MAP4K4: variants seen among roughly 807,000 people sequenced by gnomAD.
MAP4K4 encodes HPK/GCK-like kinase HGK.
MAP4K4 carries 38 observed loss-of-function variants against 189.6 expected under a neutral mutation model. That is an observed-to-expected ratio of 0.20 (90% CI 0.15 to 0.26). MAP4K4 has a LOEUF of 0.26. Among genes scored for constraint, MAP4K4 ranks in the 10% least tolerant of loss-of-function variants. The pLI is 1.00. For missense variants in MAP4K4, 1,054 were observed against 1,726.9 expected (o/e 0.61, Z 6.91); for synonymous variants, 610 against 624.3 (o/e 0.98, Z 0.34).
chr2:101,701,900 C>T (rs1232452150), intron 2 of MAP4K4, among the ~76,000 whole-genome samples: 1 of 152,132 alleles, frequency 6.6e-6, no homozygotes. Context: ...GAGGTTTGCT[C>T]TGTTGCCCAG....
chr2:101,726,960 G>GT (rs2149516023), intron 2 of MAP4K4, among the ~76,000 whole-genome samples: 1 of 152,248 alleles, frequency 6.6e-6, no homozygotes, highest in East Asian at 1.9e-4. Context: ...CTGGTGCAGG[G>GT]TATCACCTGG....
chr2:101,810,463 T>G (rs1056998204), intron 3 of MAP4K4, among the ~76,000 whole-genome samples: 1 of 152,074 alleles, frequency 6.6e-6, no homozygotes, highest in Non-Finnish European at 1.5e-5. Flanking sequence ...TTGGTGAGAG[T>G]CTTCCTAGAT....
At chr2:101,712,726 T>G (rs1379254273) in intron 2 of MAP4K4, among the ~76,000 whole-genome samples, 2 of 151,588 alleles carry the variant, frequency 1.3e-5, no homozygotes, top group Non-Finnish European at 2.9e-5. Context: ...AAACTCCTGA[T>G]CTCAGGTGAT....
intron 3 of MAP4K4, among the ~76,000 whole-genome samples, chr2:101,798,566 C>T (rs1057486993): frequency 3.9e-5 from 6 of 152,130 alleles, no homozygotes; most frequent in African/African-American, 1.4e-4. Context: ...TCTAAAGTCA[C>T]AATAGAGTCC....
At chr2:101,788,355 ACCACCTG>A (rs1558928519) in intron 2 of MAP4K4, among the ~76,000 whole-genome samples, 3 of 152,094 alleles carry the variant, frequency 2.0e-5, no homozygotes, top group Non-Finnish European at 4.4e-5. Context: ...CACTTTATCT[ACCACCTG>A]CCGGACTCTA....
intron 24 of MAP4K4, among the ~76,000 whole-genome samples, chr2:101,872,307 T>G (rs994052774): frequency 6.6e-6 from 1 of 152,074 alleles, no homozygotes; most frequent in African/African-American, 2.4e-5. Context: ...TAGAAAAAAT[T>G]AGGATGTTAA....
chr2:101,817,728 G>C (rs1458184253), intron 3 of MAP4K4, among the ~76,000 whole-genome samples: 1 of 152,228 alleles, frequency 6.6e-6, no homozygotes, highest in Non-Finnish European at 1.5e-5. Context: ...TGCATGCTGG[G>C]TTTGGAATCC....
rs535633215 is a variant in MAP4K4, at chr2:101,838,032, C to T, written c.774-1787C>T. On this transcript the variant is annotated intron_variant, in intron 9 of 32. Coordinates refer to ENST00000324219, the Ensembl canonical transcript of MAP4K4. ...TTCTTCCTTTGTGATTGCTGTCCAC[C>T]GTCTACCCGATGTAAATTCTACTGT... Among the ~76,000 whole-genome samples, 8 of 152,276 alleles carry T rather than the reference C, an allele frequency of 5.3e-5. No individual in the cohort carries two copies. In the East Asian group the frequency reaches 5.8e-4, roughly 11 times the overall value.
chr2:101,765,144 A>C (rs2078064092), intron 2 of MAP4K4, among the ~76,000 whole-genome samples: 1 of 152,162 alleles, frequency 6.6e-6, no homozygotes, highest in Admixed American at 6.5e-5. Context: ...TTTCTTTAAA[A>C]AGTCAATCCC....
chr2:101,868,922 CAT>C (rs963258909), intron 21 of MAP4K4, among the ~76,000 whole-genome samples: 10 of 151,944 alleles, frequency 6.6e-5, no homozygotes, highest in African/African-American at 2.4e-4. Flanking sequence ...TGTAAAGACA[CAT>C]GTCTATATGA....
Position 101,856,005 on chromosome 2 carries a change from G to A in MAP4K4, c.1262G>A (p.Arg421Lys), listed in dbSNP as rs1281111984. The A allele has an allele frequency of 4.5e-6, 7 of 1,551,166 alleles. No homozygotes were observed. The South Asian group carries it at 8.3e-5, about 18-fold the overall frequency. ...CAAAGGAGAGAGCGGGAAGCTAGAA[G>A]GCAGCAGGAACGTGAACAGCGAAGG... The change falls in exon 13 of 33, where the codon AGG becomes AAG. Residue 421 changes from arginine (R) to lysine (K), a missense_variant. This residue lies in a region of MAP4K4 where 200 missense variants were observed against 509.0 expected (regional missense o/e 0.39). Transcript: ENST00000324219.
intron 27 of MAP4K4, 53 bp from the exon 28 acceptor site, chr2:101,882,498 G>A (rs1317574303): frequency 7.2e-7 from 1 of 1,380,078 alleles, no homozygotes; most frequent in Non-Finnish European, 9.7e-7. Flanking sequence ...TGTTATTAAT[G>A]ATGAGACCTA....
exon 1 of MAP4K4, chr2:101,698,016 G>A (rs2035220166): frequency 5.2e-6 from 6 of 1,143,360 alleles, no homozygotes; most frequent in Non-Finnish European, 6.9e-6. Context: ...CCTGGTCTGC[G>A]GCTGAGATAC....
At chr2:101,768,083 G>A (rs559450374) in intron 2 of MAP4K4, among the ~76,000 whole-genome samples, 2 of 152,200 alleles carry the variant, frequency 1.3e-5, no homozygotes, top group Admixed American at 1.3e-4. Flanking sequence ...TTTTACACAT[G>A]GCTTATTAGC....
At chr2:101,775,338 G>A (rs1364500743) in intron 2 of MAP4K4, among the ~76,000 whole-genome samples, 1 of 151,428 alleles carries the variant, frequency 6.6e-6, no homozygotes, top group Non-Finnish European at 1.5e-5. Flanking sequence ...TGTATTTCCT[G>A]TGAAAAATTT....
chr2:101,761,012 T>A (rs1045096574), intron 2 of MAP4K4, among the ~76,000 whole-genome samples: 20 of 152,040 alleles, frequency 1.3e-4, no homozygotes, highest in Non-Finnish European at 2.6e-4. Context: ...TCAAAAAAAA[T>A]TGTTTAAAGT....
intron 2 of MAP4K4, among the ~76,000 whole-genome samples, chr2:101,757,140 G>A (rs1195221746): frequency 6.6e-6 from 1 of 152,160 alleles, no homozygotes; most frequent in Non-Finnish European, 1.5e-5. Context: ...TTTCATGTGG[G>A]AGGCTTGGGG....
At position 101,856,154 on chromosome 2, in the gene MAP4K4, ACATAGCAGG is replaced by A; in HGVS notation, c.1395+21_1395+29del. 6.5e-7 allele frequency: 1 copy of A among 1,547,206 alleles called. No homozygotes were observed. The highest frequency in any genetic ancestry group is 8.7e-7 in the Non-Finnish European group (1 of 1,145,838). On this transcript the variant is annotated intron_variant, in intron 13 of 32. Transcript: ENST00000324219. Reference sequence around the variant, plus strand: ...AAGAGAACAGGTTAGTTCACAGATAACATAGCAGGCATACACTTGTGAAGTTTGTTACTT... The same window carrying A: ...AAGAGAACAGGTTAGTTCACAGATAACATACACTTGTGAAGTTTGTTACTT...
chr2:101,717,885 C>A (rs1213258918), intron 2 of MAP4K4, among the ~76,000 whole-genome samples: 4 of 151,908 alleles, frequency 2.6e-5, no homozygotes, highest in Non-Finnish European at 5.9e-5. Flanking sequence ...TGTGCTTCAA[C>A]TATTAGTTGA....
Sources: gnomAD v4.1 joint callset for allele counts (sites outside exome capture counted in the v4.1 genomes callset) on GRCh38, gnomAD v4.1.1 for gene constraint, gnomAD v4.1.1 regional missense constraint, MANE v1.5 for transcripts, NCBI Gene and HGNC (gene_info 2026-07-23, HGNC 2026-07-21) for gene names.